The following BAG3 variants were observed in gnomAD, a reference collection of about 807,000 sequenced individuals.
The protein encoded by BAG3 is BAG cochaperone 3, also known as BAG family molecular chaperone regulator 3.
A neutral mutation model predicts 40.5 loss-of-function variants in BAG3; 14 were observed. The observed-to-expected ratio is 0.35, with a 90% CI of 0.23 to 0.54. BAG3 has a LOEUF of 0.54. Among genes scored for constraint, BAG3 ranks in the 20% least tolerant of loss-of-function variants. BAG3 has a pLI of 0.91. For synonymous variants in BAG3, 302 were observed against 307.8 expected (o/e 0.98, Z 0.20); for missense variants, 788 against 758.6 (o/e 1.04, Z -0.46).
intron 1 of BAG3, among the ~76,000 whole-genome samples, chr10:119,663,617 C>A (rs1005014515): frequency 1.3e-5 from 2 of 152,060 alleles, no homozygotes; most frequent in Non-Finnish European, 2.9e-5. Context: ...CCCGGGCCCT[C>A]CTCTTCATCT....
chr10:119,670,327 G>C, intron 2 of BAG3, 150 bp downstream of exon 2: 2 of 820,198 alleles, frequency 2.4e-6, no homozygotes, highest in Non-Finnish European at 3.7e-6. Flanking sequence ...AGGTCACCCA[G>C]CAAAGACAGG....
At position 119,676,593 on chromosome 10, in the gene BAG3, G is replaced by C. The variant is rs917711545; in HGVS notation, c.1039G>C (p.Asp347His). The change falls in exon 4 of 4, where the codon GAT becomes CAT. Residue 347 changes from aspartate to histidine, a missense_variant. Coordinates refer to ENST00000369085, the MANE Select transcript of BAG3 (RefSeq NM_004281.4). ...IPIQVIRKEV[D>H]SKPVSQKPPP... ...AATTCAAGTGATCCGCAAAGAGGTG[G>C]ATTCTAAACCTGTTTCCCAGAAGCC... 2 of 1,614,126 alleles carry C rather than the reference G, an allele frequency of 1.2e-6. No individual in the cohort carries two copies. The highest frequency in any genetic ancestry group is 1.7e-6 in the Non-Finnish European group (2 of 1,180,030).
At chr10:119,655,028 CA>C (rs2134052877) in intron 1 of BAG3, among the ~76,000 whole-genome samples, 1 of 152,278 alleles carries the variant, frequency 6.6e-6, no homozygotes, top group Admixed American at 6.5e-5. Context: ...CTATTAAGTC[CA>C]GAAAGCTTTT....
At chr10:119,671,063 A>C (rs1024871224) in intron 2 of BAG3, among the ~76,000 whole-genome samples, 1 of 152,190 alleles carries the variant, frequency 6.6e-6, no homozygotes, top group South Asian at 2.1e-4. Context: ...TTAGAGAGGT[A>C]GTACCTGGCT....
intron 1 of BAG3, among the ~76,000 whole-genome samples, chr10:119,668,912 C>T (rs61870078): frequency 0.045 from 6,886 of 152,260 alleles, 235 homozygotes; most frequent in South Asian, 0.18. Context: ...AAATACAACA[C>T]GGGCGATTGG....
chr10:119,651,645 C>T lies in BAG3; in HGVS notation c.-31C>T. ...GGCGCCCGGAGCCAGCGCCCCGCACCCGCGCCCCAGCGGGCAGACCCCAAC... is the reference window on the plus strand; with the variant it reads ...GGCGCCCGGAGCCAGCGCCCCGCACTCGCGCCCCAGCGGGCAGACCCCAAC... On this transcript the variant is annotated 5_prime_UTR_variant, in exon 1 of 4. Transcript: ENST00000369085. 6.6e-7 allele frequency: 1 copy of T among 1,514,364 alleles called. No individual in the cohort carries two copies. Among genetic ancestry groups the T allele is most frequent in the Non-Finnish European group, 8.9e-7 (1 of 1,128,744 alleles). The allele number at this position is 1,514,364 out of a possible 1,614,324, so 93.8% of individuals were successfully genotyped here. A position where few individuals can be genotyped will look rare whatever the true frequency, so the allele number is the denominator to read the frequency against.
chr10:119,672,256 G>T lies in BAG3; in HGVS notation c.509G>T (p.Arg170Leu), dbSNP rs140904592. ...CCCTCTACCCTGTGTCTCTTGCAGC[G>T]GTCCCAGTCTCCAGCTGCCTCTGAC... is the stretch of plus-strand genomic sequence containing the variant. Reference protein sequence around the residue: ...AQPPASHGPERSQSPAASDCS... With the variant: ...AQPPASHGPELSQSPAASDCS... Residue 170 changes from arginine (R) to leucine (L), a missense_variant and splice_region_variant, in exon 3 of 4, where the codon CGG becomes CTG. By Grantham distance (102) the Arg-to-Leu change is moderately radical. Transcript: ENST00000369085. The surrounding 1 kb of genome is among the most constrained non-coding windows in gnomAD (Gnocchi z 4.8). The T allele has an allele frequency of 1.9e-6, 3 of 1,612,812 alleles. No homozygotes were observed.
At chr10:119,659,468 G>A (rs951956528) in intron 1 of BAG3, among the ~76,000 whole-genome samples, 1 of 152,118 alleles carries the variant, frequency 6.6e-6, no homozygotes, top group Non-Finnish European at 1.5e-5. Context: ...AAATGTCACC[G>A]CAGATGGAAG....
intron 1 of BAG3, among the ~76,000 whole-genome samples, chr10:119,654,803 T>G (rs539494700): frequency 2.2e-4 from 33 of 152,298 alleles, no homozygotes; most frequent in Non-Finnish European, 4.7e-4. Context: ...GGCCGGATGT[T>G]CTGGAGTGCT....
At chr10:119,653,751 G>A (rs1589620911) in intron 1 of BAG3, among the ~76,000 whole-genome samples, 2 of 152,182 alleles carry the variant, frequency 1.3e-5, no homozygotes, top group South Asian at 4.1e-4. Flanking sequence ...GAGAGTTCAG[G>A]TGTGACTTTG....
At chr10:119,657,295 C>G (rs565149516) in intron 1 of BAG3, among the ~76,000 whole-genome samples, 2 of 152,312 alleles carry the variant, frequency 1.3e-5, no homozygotes, top group South Asian at 2.1e-4. Context: ...TCCTGCCTCT[C>G]CCTGGTCCGA....
chr10:119,658,380 G>A (rs542565136), intron 1 of BAG3, among the ~76,000 whole-genome samples: 9 of 152,296 alleles, frequency 5.9e-5, no homozygotes, highest in East Asian at 1.9e-4. Flanking sequence ...GCTCCATGCC[G>A]GGCGTCCCTG....
rs1589630345 is a variant in BAG3, at chr10:119,672,562, G to A, written c.815G>A (p.Gly272Asp). 1.2e-6 allele frequency: 2 copies of A among 1,614,084 alleles called. No individual in the cohort carries two copies. The highest frequency in any genetic ancestry group is 2.2e-5 in the East Asian group (1 of 44,872). Residue 272 changes from glycine (G) to aspartate (D), a missense_variant, in exon 3 of 4, where the codon GGT becomes GAT. By Grantham distance (94) the Gly-to-Asp change is moderately conservative. Coordinates refer to ENST00000369085, the MANE Select transcript of BAG3 (RefSeq NM_004281.4). This position sits in a 1 kb window ranked among gnomAD's most constrained non-coding sequence, Gnocchi z 4.8. ...AASPFRSSVQ[G>D]ASSREGSPAR... The stretch of plus-strand genomic sequence containing the variant: ...TCCCCGTTCAGGTCATCTGTCCAGG[G>A]TGCATCGAGCCGGGAGGGCTCACCA...
chr10:119,670,619 A>C (rs1847137610), intron 2 of BAG3, among the ~76,000 whole-genome samples: 1 of 152,164 alleles, frequency 6.6e-6, no homozygotes, highest in Non-Finnish European at 1.5e-5. Context: ...CTTATGGATA[A>C]ATCTTAACCG....
intron 1 of BAG3, among the ~76,000 whole-genome samples, chr10:119,665,126 G>GTATA (rs71016598): frequency 7.9e-4 from 31 of 39,132 alleles, no homozygotes; most frequent in Admixed American, 5.7e-3. Context: ...GTGTGTGTGT[G>GTATA]TATATATATA....
At chr10:119,656,759 T>C (rs1395521121) in intron 1 of BAG3, 1 of 152,034 alleles carries the variant, frequency 6.6e-6, no homozygotes, top group Admixed American at 6.6e-5. Flanking sequence ...GAGGAATGAA[T>C]GTAGTATTTT....
intron 1 of BAG3, among the ~76,000 whole-genome samples, chr10:119,653,875 A>G (rs550191): frequency 0.98 from 149,133 of 152,194 alleles, 73,129 homozygotes; most frequent in Middle Eastern, 1. Context: ...AAACTGAGGC[A>G]TGCAGGCTAG....
At chr10:119,657,650 C>T in intron 1 of BAG3, 1 of 469,470 alleles carries the variant, frequency 2.1e-6, no homozygotes, top group Non-Finnish European at 4.4e-6. Flanking sequence ...AGGCCTGCTC[C>T]TTTTTGTCAC....
chr10:119,677,141 C>A lies in BAG3; in HGVS notation c.1587C>A (p.Ala529=). Residue 529 remains alanine (A), a synonymous_variant, in exon 4 of 4, where the codon GCC becomes GCA. Coordinates refer to ENST00000369085, the MANE Select transcript of BAG3 (RefSeq NM_004281.4). ...TGCAGGCAATCATGGAGATGGGTGC[C>A]GTGGCAGCAGACAAGGGCAAGAAAA... The part of the protein sequence containing the change: ...QPLQAIMEMG[A]VAADKGKKNA... 2 of 1,614,050 alleles carry A rather than the reference C, an allele frequency of 1.2e-6. No individual in the cohort carries two copies. The highest frequency in any genetic ancestry group is 2.2e-5 in the South Asian group (2 of 91,076).
Sources: gnomAD v4.1 joint callset for allele counts (sites outside exome capture counted in the v4.1 genomes callset) on GRCh38, gnomAD v4.1.1 for gene constraint, Gnocchi (gnomAD v3.1) non-coding constraint, MANE v1.5 for transcripts, NCBI Gene and HGNC (gene_info 2026-07-23, HGNC 2026-07-21) for gene names.